CSNK1G2: variants seen among roughly 807,000 people sequenced by gnomAD.
The protein encoded by CSNK1G2 is casein kinase 1 gamma 2.
In CSNK1G2, 11 loss-of-function variants were observed where a neutral mutation model predicts 48.0. The observed-to-expected ratio is 0.23, with a 90% CI of 0.14 to 0.38. CSNK1G2 has a LOEUF of 0.38. CSNK1G2 is among the 10% of genes least tolerant of loss of function. CSNK1G2 has a pLI of 1.00. For synonymous variants in CSNK1G2, 337 were observed against 254.1 expected (o/e 1.33, Z -3.10); for missense variants, 446 against 595.5 (o/e 0.75, Z 2.61).
At chr19:1,951,585 C>T (rs1387794784) in intron 1 of CSNK1G2, among the ~76,000 whole-genome samples, 1 of 145,340 alleles carries the variant, frequency 6.9e-6, no homozygotes, top group Non-Finnish European at 1.5e-5. Context: ...GTGCAGCCTC[C>T]CGATGGGCCA....
At chr19:1,968,478 C>T (rs2015454798) in intron 1 of CSNK1G2, among the ~76,000 whole-genome samples, 1 of 152,224 alleles carries the variant, frequency 6.6e-6, no homozygotes, top group Admixed American at 6.5e-5. Context: ...GGCCCCCTCG[C>T]TCCAGAGAGC....
In CSNK1G2 at chr19:1,978,382, C is replaced by A. The variant is rs367790497; in HGVS notation, c.228+37C>A. On this transcript the variant is annotated intron_variant, in intron 3 of 11. Coordinates refer to ENST00000255641, the MANE Select transcript of CSNK1G2 (RefSeq NM_001319.7). The surrounding 1 kb of genome is among the most constrained non-coding windows in gnomAD (Gnocchi z 7.3). ...CCTCCACCCCACCCCCGCTGACGTG[C>A]CCCCCAGGGATTTCAGGGCAGCGAC... 54 of 1,605,964 alleles carry A rather than the reference C, an allele frequency of 3.4e-5. No individual in the cohort carries two copies. The Middle Eastern group carries it at 1.3e-3, about 39-fold the overall frequency.
intron 1 of CSNK1G2, among the ~76,000 whole-genome samples, chr19:1,945,316 G>A (rs112201213): frequency 0.034 from 5,105 of 152,300 alleles, 168 homozygotes; most frequent in African/African-American, 0.089. Flanking sequence ...CCCCCGGTGC[G>A]GCTGACTGTT....
At chr19:1,970,219 G>A (rs1400443567) in intron 2 of CSNK1G2, among the ~76,000 whole-genome samples, 2 of 152,240 alleles carry the variant, frequency 1.3e-5, no homozygotes, top group African/African-American at 4.8e-5. Context: ...GTGGCCCAGA[G>A]CAGGCCAGGC....
intron 1 of CSNK1G2, among the ~76,000 whole-genome samples, chr19:1,944,470 G>A (rs2014480843): frequency 6.6e-6 from 1 of 152,174 alleles, no homozygotes; most frequent in South Asian, 2.1e-4. Flanking sequence ...AGAAGGTGGT[G>A]TTTCCCGAGG....
At chr19:1,948,794 C>G (rs931638193) in intron 1 of CSNK1G2, among the ~76,000 whole-genome samples, 1 of 152,202 alleles carries the variant, frequency 6.6e-6, no homozygotes, top group Non-Finnish European at 1.5e-5. Flanking sequence ...ATGCCGCTGC[C>G]GACAGCCTGC....
chr19:1,972,826 G>T (rs907144281), intron 2 of CSNK1G2, among the ~76,000 whole-genome samples: 2 of 150,618 alleles, frequency 1.3e-5, no homozygotes, highest in African/African-American at 4.9e-5. Context: ...GTTTCACCTT[G>T]TTGGCCAGGC....
chr19:1,951,604 G>A (rs540649250), intron 1 of CSNK1G2, among the ~76,000 whole-genome samples: 19 of 145,190 alleles, frequency 1.3e-4, no homozygotes, highest in African/African-American at 4.8e-4. Context: ...CAGGATGGGG[G>A]ATGCTTGGGT....
At chr19:1,954,336 A>C in intron 1 of CSNK1G2, 1 of 194,634 alleles carries the variant, frequency 5.1e-6, no homozygotes, top group African/African-American at 2.3e-5. Flanking sequence ...GCAACCCCTC[A>C]TTTTCTTTCC....
At chr19:1,958,589 CGTCCCCCT>C (rs1275925275) in intron 1 of CSNK1G2, among the ~76,000 whole-genome samples, 1 of 110,928 alleles carries the variant, frequency 9.0e-6, no homozygotes, top group Non-Finnish European at 1.9e-5. Flanking sequence ...TACTGTCCCC[CGTCCCCCT>C]GTCCCCCCGT....
At chr19:1,953,042 C>T (rs571797038) in intron 1 of CSNK1G2, 7 of 401,530 alleles carry the variant, frequency 1.7e-5, no homozygotes, top group Admixed American at 4.1e-5. Flanking sequence ...AATGTAGAAA[C>T]GCAGCCCACC....
intron 1 of CSNK1G2, chr19:1,953,256 C>A (rs1216443360): frequency 2.5e-6 from 1 of 392,832 alleles, no homozygotes; most frequent in Admixed American, 3.2e-5. Context: ...GGACCCCTGC[C>A]CCCCTGGCAA....
intron 1 of CSNK1G2, among the ~76,000 whole-genome samples, chr19:1,958,360 C>T (rs1353010756): frequency 6.6e-6 from 1 of 151,868 alleles, no homozygotes; most frequent in Non-Finnish European, 1.5e-5. Flanking sequence ...CAGTGGGGGC[C>T]GTGGGGTTGG....
intron 1 of CSNK1G2, among the ~76,000 whole-genome samples, chr19:1,964,299 AAAAC>A (rs1029033337): frequency 2.0e-4 from 30 of 148,858 alleles, no homozygotes; most frequent in Non-Finnish European, 3.0e-4. Flanking sequence ...TGTTAAAAAA[AAAAC>A]AAAAAAAAAC....
At chr19:1,974,370 C>G (rs1004894273) in intron 2 of CSNK1G2, among the ~76,000 whole-genome samples, 33 of 152,166 alleles carry the variant, frequency 2.2e-4, no homozygotes, top group African/African-American at 7.5e-4. Flanking sequence ...GGAACCCACT[C>G]CCCTGCTGAT....
intron 1 of CSNK1G2, among the ~76,000 whole-genome samples, chr19:1,967,329 T>A (rs1229612707): frequency 6.6e-6 from 1 of 152,132 alleles, no homozygotes; most frequent in Non-Finnish European, 1.5e-5. Context: ...CGGCCCCTCT[T>A]CACCCGCGGC....
intron 1 of CSNK1G2, among the ~76,000 whole-genome samples, chr19:1,955,459 CG>C (rs1568186858): frequency 6.9e-6 from 1 of 145,940 alleles, no homozygotes; most frequent in African/African-American, 2.8e-5. Context: ...TGTGGGTCAG[CG>C]CCCCCCACTG....
At chr19:1,964,438 T>C (rs949754774) in intron 1 of CSNK1G2, among the ~76,000 whole-genome samples, 6 of 152,170 alleles carry the variant, frequency 3.9e-5, no homozygotes, top group African/African-American at 1.4e-4. Context: ...TGGAAGAAGA[T>C]GCCACCCAGG....
intron 2 of CSNK1G2, chr19:1,975,626 T>TC: frequency 1.0e-6 from 1 of 985,338 alleles, no homozygotes; most frequent in Non-Finnish European, 1.2e-6. Flanking sequence ...GAATCCCACC[T>TC]CCGAAGGGCA....
Sources: allele counts gnomAD v4.1 joint callset (sites outside exome capture counted in the v4.1 genomes callset), GRCh38; gene constraint gnomAD v4.1.1; non-coding constraint Gnocchi (gnomAD v3.1); transcripts MANE v1.5; gene names NCBI Gene and HGNC (gene_info 2026-07-23, HGNC 2026-07-21).